MTCL1: variants seen among roughly 807,000 people sequenced by gnomAD.
The protein encoded by MTCL1 is microtubule cross-linking factor 1.
In MTCL1, 79 loss-of-function variants were observed where a neutral mutation model predicts 141.4. The ratio of observed to expected loss-of-function variants is 0.56; its 90% CI spans 0.47 to 0.67. MTCL1 has a LOEUF of 0.67. Among genes scored for constraint, MTCL1 ranks in the 30% least tolerant of loss-of-function variants. The pLI, the probability that MTCL1 is intolerant of heterozygous loss-of-function variation, is 0.00. For synonymous variants in MTCL1, 914 were observed against 875.8 expected, an observed-to-expected ratio of 1.04 and a Z score of -0.77; for missense variants, 2,177 against 2,113.9, an observed-to-expected ratio of 1.03 and a Z score of -0.59.
chr18:8,793,082 C>A (rs746440381), exon 8 of MTCL1: 1 of 1,614,094 alleles, frequency 6.2e-7, no homozygotes, highest in East Asian at 2.2e-5. Flanking sequence ...CAGACTGCAT[C>A]AAGAGGAGAC....
chr18:8,731,851 G>A (rs1220079893), intron 4 of MTCL1, among the ~76,000 whole-genome samples: 2 of 152,026 alleles, frequency 1.3e-5, no homozygotes, highest in Non-Finnish European at 2.9e-5. Flanking sequence ...TGGGATTACA[G>A]GTGTGCACCA....
At chr18:8,736,954 T>C (rs2096277588) in intron 4 of MTCL1, among the ~76,000 whole-genome samples, 1 of 152,180 alleles carries the variant, frequency 6.6e-6, no homozygotes, top group Admixed American at 6.5e-5. Context: ...CATCTATTTT[T>C]AAAGTTCCCT....
At chr18:8,819,428 T>A (rs1473160882) in intron 13 of MTCL1, among the ~76,000 whole-genome samples, 169 bp downstream of exon 12, 1 of 152,174 alleles carries the variant, frequency 6.6e-6, no homozygotes, top group Non-Finnish European at 1.5e-5. Context: ...GGGTTTTGCT[T>A]CACCCTAAAT....
intron 4 of MTCL1, among the ~76,000 whole-genome samples, chr18:8,742,416 G>T (rs1268923358): frequency 6.6e-6 from 1 of 152,282 alleles, no homozygotes; most frequent in East Asian, 1.9e-4. Flanking sequence ...CACATGGCTG[G>T]GGAGGCCTTA....
chr18:8,819,148 C>G (rs1442439610), exon 13 of MTCL1: 3 of 1,614,128 alleles, frequency 1.9e-6, no homozygotes, highest in South Asian at 2.2e-5. Flanking sequence ...AGGAGTCGGA[C>G]AGGTGCTCGG....
intron 10 of MTCL1, chr18:8,802,040 A>G (rs1049140820): frequency 1.1e-4 from 16 of 152,350 alleles, no homozygotes; most frequent in African/African-American, 3.1e-4. Flanking sequence ...GGATGTAACA[A>G]TGAAGGTTAC....
chr18:8,798,097 G>C, exon 10 of MTCL1: 4 of 1,578,578 alleles, frequency 2.5e-6, no homozygotes, highest in Non-Finnish European at 3.4e-6. Context: ...CCTGTTTCAG[G>C]GTGAACATCC....
chr18:8,807,317 C>T (rs563056452), intron 11 of MTCL1, among the ~76,000 whole-genome samples: 39 of 152,322 alleles, frequency 2.6e-4, no homozygotes, highest in Non-Finnish European at 4.9e-4. Flanking sequence ...CTGCATTAAA[C>T]AAGCTTGTAT....
In MTCL1 at chr18:8,828,936, G is replaced by A; in HGVS notation, c.4751G>A (p.Trp1584Ter). Residue 1584 changes from tryptophan (W) to a stop codon, truncating the protein, a stop_gained, in exon 16 of 17, where the codon TGG becomes TAG. Coordinates refer to ENST00000359865, the Ensembl canonical transcript of MTCL1. LOFTEE classifies it high-confidence loss of function. The surrounding 1 kb of genome is among the most constrained non-coding windows in gnomAD (Gnocchi z 5.2). ...CAAACTGTCTTGCTAACTGCCCCCT[G>A]GGGACTCTAGCCCTGCCCGCCTCAC... The A allele has an allele frequency of 6.2e-7, 1 of 1,614,152 alleles. No homozygotes were observed.
At chr18:8,706,435 G>T in exon 1 of MTCL1, 1 of 1,227,022 alleles carries the variant, frequency 8.1e-7, no homozygotes, top group African/African-American at 1.6e-5. Flanking sequence ...AGCCCGAGGA[G>T]CGCCGCCGGG....
intron 4 of MTCL1, among the ~76,000 whole-genome samples, chr18:8,720,856 C>T (rs2096166570): frequency 6.6e-6 from 1 of 150,740 alleles, no homozygotes; most frequent in South Asian, 2.1e-4. Context: ...CCATTAATTC[C>T]TTTGATGTGT....
chr18:8,830,355 G>A lies in MTCL1; in HGVS notation c.*19-1252G>A. The A allele has an allele frequency of 1.0e-6, 1 of 985,578 alleles. No individual in the cohort carries two copies. Among genetic ancestry groups the A allele is most frequent in the Non-Finnish European group, 1.2e-6 (1 of 830,030 alleles). 61.1% of individuals were successfully genotyped at this position (985,578 alleles called of 1,614,324 possible). On this transcript the variant is annotated intron_variant, in intron 16 of 16. Transcript: ENST00000359865. The surrounding 1 kb of genome is among the most constrained non-coding windows in gnomAD (Gnocchi z 6.4). The stretch of plus-strand genomic sequence containing the variant: ...CAGGGAGCATGAAGCATAGTCTCCA[G>A]GGCCACTGTTCCTTTTCTGCTGACC...
At chr18:8,792,949 G>A (rs1329155339) in intron 7 of MTCL1, 49 bp from the exon 7 acceptor site, 10 of 1,606,742 alleles carry the variant, frequency 6.2e-6, no homozygotes, top group Non-Finnish European at 7.7e-6. Flanking sequence ...CGTCACCTCA[G>A]GCAGAGTTCT....
chr18:8,768,787 C>CCCTTTTT (rs1568000449), intron 4 of MTCL1, among the ~76,000 whole-genome samples: 2 of 133,346 alleles, frequency 1.5e-5, no homozygotes, highest in African/African-American at 6.0e-5. Context: ...TTCTTTTCTT[C>CCCTTTTT]TCTTTTTTTT....
chr18:8,783,259 CT>C (rs71356264), intron 5 of MTCL1, among the ~76,000 whole-genome samples: 28 of 150,262 alleles, frequency 1.9e-4, no homozygotes, highest in Non-Finnish European at 2.7e-4. Flanking sequence ...TCCACGTGCA[CT>C]TTTTTTTTTC....
At chr18:8,826,372 T>TA (rs1271205609) in intron 15 of MTCL1, 140 bp downstream of exon 14, 16 of 849,118 alleles carry the variant, frequency 1.9e-5, no homozygotes, top group Non-Finnish European at 2.6e-5. Flanking sequence ...GGGGAGGTGT[T>TA]AGGTTTATGG....
At chr18:8,720,070 G>A in intron 3 of MTCL1, 1 of 334,180 alleles carries the variant, frequency 3.0e-6, no homozygotes, top group East Asian at 4.8e-5. Context: ...GGGGGGGTTG[G>A]ATACCAACTT....
intron 11 of MTCL1, 106 bp downstream of exon 10, chr18:8,807,166 T>C: frequency 8.1e-7 from 1 of 1,227,150 alleles, no homozygotes; most frequent in South Asian, 1.6e-5. Flanking sequence ...GGGCTTCTTG[T>C]CCAGGAAAAA....
At position 8,734,221 on chromosome 18, in the gene MTCL1, T is replaced by C. The variant is rs1028238940; in HGVS notation, c.357+13725T>C. ...TGCTGGTAGCACCCCCCCTCCCCAA[T>C]TTGTGGCAATCAAGAACTCTTTTCC... is the stretch of plus-strand genomic sequence containing the variant. On this transcript the variant is annotated intron_variant, in intron 4 of 16. Transcript: ENST00000359865. Among the ~76,000 whole-genome samples the C allele has an allele frequency of 2.6e-5, 4 of 151,938 alleles. No homozygotes were observed. The East Asian group carries it at 5.8e-4, about 22-fold the overall frequency.
Sources: allele counts gnomAD v4.1 joint callset (sites outside exome capture counted in the v4.1 genomes callset), GRCh38; gene constraint gnomAD v4.1.1; non-coding constraint Gnocchi (gnomAD v3.1); transcripts MANE v1.5; gene names NCBI Gene and HGNC (gene_info 2026-07-23, HGNC 2026-07-21).